UVRAG: variants seen among roughly 807,000 people sequenced by gnomAD.
UVRAG encodes the protein UV radiation resistance-associated gene protein.
A neutral mutation model predicts 78.0 loss-of-function variants in UVRAG; 19 were observed. The observed-to-expected ratio is 0.24, with a 90% CI of 0.17 to 0.36. The LOEUF (loss-of-function observed/expected upper bound fraction) is 0.36. Among genes scored for constraint, UVRAG ranks in the 10% least tolerant of loss-of-function variants. The pLI, the probability that UVRAG is intolerant of heterozygous loss-of-function variation, is 1.00. For synonymous variants in UVRAG, 323 were observed against 324.6 expected, an observed-to-expected ratio of 1.00 and a Z score of 0.05; for missense variants, 740 against 853.8, an observed-to-expected ratio of 0.87 and a Z score of 1.66.
chr11:76,140,112 C>CCTCTCT lies in UVRAG; in HGVS notation c.1398-567_1398-562dup, dbSNP rs745755879. 1.7e-3 allele frequency among the ~76,000 whole-genome samples: 19 copies of CCTCTCT among 11,284 alleles called. 1 individual carries two copies. Among genetic ancestry groups the CCTCTCT allele is most frequent in the South Asian group, 8.1e-3 (1 of 124 alleles). The allele number at this position is 11,284 out of a possible 152,430, so 7.4% of individuals were successfully genotyped here. ...CTCCCCCTCCCTCCCTCCCTCCCTC[C>CCTCTCT]CTCTCTCTCTCTCTCTCTCTCTCTC... is the stretch of plus-strand genomic sequence containing the variant. On this transcript the variant is annotated intron_variant, in intron 14 of 14. Transcript: ENST00000356136.
intron 4 of UVRAG, among the ~76,000 whole-genome samples, chr11:75,881,647 G>A (rs1274808819): frequency 6.6e-6 from 1 of 152,096 alleles, no homozygotes; most frequent in African/African-American, 2.4e-5. Flanking sequence ...GAACCCCTAG[G>A]CTCAAGCAGT....
chr11:75,952,785 G>A (rs1164629151), intron 6 of UVRAG, among the ~76,000 whole-genome samples: 1 of 151,624 alleles, frequency 6.6e-6, no homozygotes, highest in Non-Finnish European at 1.5e-5. Flanking sequence ...TTGGTATCAG[G>A]GTCATGTTGA....
At chr11:76,011,093 C>T (rs1442798503) in intron 11 of UVRAG, among the ~76,000 whole-genome samples, 1 of 152,074 alleles carries the variant, frequency 6.6e-6, no homozygotes, top group African/African-American at 2.4e-5. Flanking sequence ...TTCCTTGTCT[C>T]CTAGTTTTTC....
Position 76,004,802 on chromosome 11 carries a change from T to G in UVRAG, c.911+713T>G, listed in dbSNP as rs1949896150. Among the ~76,000 whole-genome samples, 4 of 152,068 alleles carry G rather than the reference T, an allele frequency of 2.6e-5. 1 individual carries two copies. The South Asian group carries it at 8.3e-4, about 32-fold the overall frequency. ...ATCATGCCTGGCATTTTTATCTTCT[T>G]AATATGGTGATTCTTTTGCTTAACT... is the stretch of plus-strand genomic sequence containing the variant. On this transcript the variant is annotated intron_variant, in intron 9 of 14. Coordinates refer to ENST00000356136, the MANE Select transcript of UVRAG (RefSeq NM_003369.4).
chr11:75,939,949 G>A (rs138492337), intron 6 of UVRAG, among the ~76,000 whole-genome samples: 23 of 152,266 alleles, frequency 1.5e-4, no homozygotes, highest in African/African-American at 1.9e-4. Flanking sequence ...GGAGAAATTC[G>A]TTAAGCCAAT....
intron 5 of UVRAG, among the ~76,000 whole-genome samples, chr11:75,910,961 A>G (rs566332639): frequency 6.6e-6 from 1 of 152,322 alleles, no homozygotes; most frequent in South Asian, 2.1e-4. Context: ...TTTGAGTCAC[A>G]TAATATGTTA....
rs1952761296 is a variant in UVRAG, at chr11:76,143,685, A to G, written c.*2272A>G. ...CAGTTTCTGCCATGACCTGGGTAGA[A>G]CCTATGGGATTACCCGTCTCCTGGA... On this transcript the variant is annotated 3_prime_UTR_variant, in exon 15 of 15. Coordinates refer to ENST00000356136, the MANE Select transcript of UVRAG (RefSeq NM_003369.4). Among the ~76,000 whole-genome samples, 2 of 152,238 alleles carry G rather than the reference A, an allele frequency of 1.3e-5. No homozygotes were observed. Among genetic ancestry groups the G allele is most frequent in the Admixed American group, 1.3e-4 (2 of 15,288 alleles).
rs75255036 is a variant in UVRAG at position 75,821,106 on chromosome 11, A to G, written c.117+5582A>G. Among the ~76,000 whole-genome samples, 7 of 152,248 alleles carry G rather than the reference A, an allele frequency of 4.6e-5. No homozygotes were observed. The East Asian group carries it at 1.2e-3, about 25-fold the overall frequency. On this transcript the variant is annotated intron_variant, in intron 1 of 14. Coordinates refer to ENST00000356136, the MANE Select transcript of UVRAG (RefSeq NM_003369.4). ...TCTCGCCTCCTACCAGCCCCTGGTA[A>G]ATTCTGTTCTACTTTCTGTCTCTAT... is the stretch of plus-strand genomic sequence containing the variant.
intron 7 of UVRAG, among the ~76,000 whole-genome samples, chr11:75,971,144 A>G (rs1949114480): frequency 6.6e-6 from 1 of 152,216 alleles, no homozygotes; most frequent in Admixed American, 6.5e-5. Context: ...TTCATTTAGC[A>G]ATATGCATGT....
At chr11:76,004,684 GGTGCAGTC>G (rs1949892838) in intron 9 of UVRAG, among the ~76,000 whole-genome samples, 1 of 151,912 alleles carries the variant, frequency 6.6e-6, no homozygotes, top group African/African-American at 2.4e-5. Context: ...GGAGTGCAGT[GGTGCAGTC>G]GTAGCTCACT....
intron 5 of UVRAG, among the ~76,000 whole-genome samples, chr11:75,905,322 T>G (rs1427206375): frequency 6.6e-6 from 1 of 152,212 alleles, no homozygotes. Flanking sequence ...TTAACTGTTT[T>G]GAAGTGTGCA....
chr11:76,010,381 A>G (rs1950028776), intron 11 of UVRAG, among the ~76,000 whole-genome samples: 1 of 152,236 alleles, frequency 6.6e-6, no homozygotes, highest in Non-Finnish European at 1.5e-5. Flanking sequence ...TTAATAAAGG[A>G]ATATGCTATC....
At chr11:75,947,624 T>C (rs1465981766) in intron 6 of UVRAG, among the ~76,000 whole-genome samples, 1 of 152,282 alleles carries the variant, frequency 6.6e-6, no homozygotes, top group East Asian at 1.9e-4. Flanking sequence ...TTATTTAACA[T>C]GTAAGGTGTT....
chr11:75,843,450 C>G (rs1041153163), intron 1 of UVRAG, among the ~76,000 whole-genome samples: 2 of 152,168 alleles, frequency 1.3e-5, no homozygotes, highest in Admixed American at 1.3e-4. Flanking sequence ...TAATCTTTGA[C>G]AGTTTTAAAG....
At chr11:76,036,494 T>C (rs1435283891) in intron 12 of UVRAG, among the ~76,000 whole-genome samples, 1 of 152,098 alleles carries the variant, frequency 6.6e-6, no homozygotes, top group Non-Finnish European at 1.5e-5. Context: ...GCCATGATCC[T>C]GCCACTACCC....
intron 5 of UVRAG, among the ~76,000 whole-genome samples, chr11:75,909,765 T>A (rs1019931143): frequency 1.3e-5 from 2 of 152,220 alleles, no homozygotes; most frequent in Non-Finnish European, 2.9e-5. Context: ...ATGTCTTTTT[T>A]AATCTTTATA....
intron 11 of UVRAG, among the ~76,000 whole-genome samples, chr11:76,010,093 A>G (rs994094525): frequency 6.6e-6 from 1 of 152,228 alleles, no homozygotes; most frequent in Non-Finnish European, 1.5e-5. Context: ...TCTGTAAGAC[A>G]TTCACAAAAA....
chr11:75,927,506 T>A (rs916660216), intron 6 of UVRAG, among the ~76,000 whole-genome samples: 3 of 152,232 alleles, frequency 2.0e-5, no homozygotes, highest in Non-Finnish European at 4.4e-5. Flanking sequence ...AAAAGTCCTA[T>A]CTTCATGGAG....
intron 13 of UVRAG, among the ~76,000 whole-genome samples, chr11:76,067,102 A>T (rs1951204269): frequency 6.6e-6 from 1 of 151,890 alleles, no homozygotes; most frequent in South Asian, 2.1e-4. Flanking sequence ...GATTTTTTTA[A>T]TTTGTTTTTT....
Sources: gnomAD v4.1 joint callset for allele counts (sites outside exome capture counted in the v4.1 genomes callset) on GRCh38, gnomAD v4.1.1 for gene constraint, MANE v1.5 for transcripts, NCBI Gene and HGNC (gene_info 2026-07-23, HGNC 2026-07-21) for gene names.